The following NRXN1 variants were observed in gnomAD, a reference collection of about 807,000 sequenced individuals.
NRXN1 encodes the protein neurexin-1.
NRXN1 carries 39 observed loss-of-function variants against 150.9 expected under a neutral mutation model. The observed-to-expected ratio is 0.26, with a 90% CI of 0.20 to 0.34. NRXN1 has a LOEUF of 0.34. NRXN1 is among the 10% of genes least tolerant of loss of function. NRXN1 has a pLI of 1.00. For missense variants in NRXN1, 1,815 were observed against 1,949.9 expected (o/e 0.93, Z 1.30); for synonymous variants, 924 against 757.0 (o/e 1.22, Z -3.62).
chr2:50,573,278 G>A (rs1216737959), intron 8 of NRXN1, among the ~76,000 whole-genome samples: 3 of 151,830 alleles, frequency 2.0e-5, no homozygotes, highest in Non-Finnish European at 2.9e-5. Context: ...CAGAAGGATC[G>A]CTTGAGCTTG....
At chr2:50,627,353 A>C (rs993305933) in intron 5 of NRXN1, among the ~76,000 whole-genome samples, 1 of 81,232 alleles carries the variant, frequency 1.2e-5, no homozygotes, top group Non-Finnish European at 2.3e-5. Context: ...GTTCTGGTTC[A>C]TGTATGTGTG....
At chr2:50,168,882 C>A (rs960792364) in intron 18 of NRXN1, among the ~76,000 whole-genome samples, 2 of 152,200 alleles carry the variant, frequency 1.3e-5, no homozygotes, top group Non-Finnish European at 2.9e-5. Context: ...AAAAAGAATG[C>A]TGTATCCTTT....
At chr2:50,386,362 A>T (rs59791250) in intron 17 of NRXN1, among the ~76,000 whole-genome samples, 1 of 151,644 alleles carries the variant, frequency 6.6e-6, no homozygotes, top group African/African-American at 2.4e-5. Context: ...TTTTTTTTTC[A>T]AATTAAGAGT....
intron 2 of NRXN1, among the ~76,000 whole-genome samples, chr2:50,967,733 G>C (rs961955407): frequency 1.3e-5 from 2 of 151,934 alleles, no homozygotes; most frequent in Admixed American, 1.3e-4. Context: ...GAATAAGTAA[G>C]TAGCTTTTAC....
chr2:50,013,487 G>A (rs995481539), intron 21 of NRXN1, among the ~76,000 whole-genome samples: 2 of 151,800 alleles, frequency 1.3e-5, no homozygotes, highest in African/African-American at 4.8e-5. Flanking sequence ...CTTTTGTCGT[G>A]GTTTATTATG....
In NRXN1 at chr2:50,056,634, C is replaced by G. The variant is rs113892070; in HGVS notation, c.3719-1590G>C. 1.1e-4 allele frequency among the ~76,000 whole-genome samples: 17 copies of G among 151,804 alleles called. 1 individual carries two copies. Among genetic ancestry groups the G allele is most frequent in the African/African-American group, 4.1e-4 (17 of 41,410 alleles). On this transcript the variant is annotated intron_variant, in intron 19 of 22. Coordinates refer to ENST00000401669, the MANE Select transcript of NRXN1 (RefSeq NM_001330078.2). ...CCTGTCTTCATTTTTTAAAAGTGTACAAAATTTGTGTTCTCTGTTGTGTGT... is the reference window on the plus strand; with the variant it reads ...CCTGTCTTCATTTTTTAAAAGTGTAGAAAATTTGTGTTCTCTGTTGTGTGT...
At chr2:50,525,127 C>T (rs546920728) in intron 12 of NRXN1, among the ~76,000 whole-genome samples, 2 of 152,240 alleles carry the variant, frequency 1.3e-5, no homozygotes, top group East Asian at 1.9e-4. Flanking sequence ...TTACTAAAGT[C>T]ATTTAATACT....
intron 5 of NRXN1, among the ~76,000 whole-genome samples, chr2:50,747,552 G>C (rs1157385238): frequency 1.3e-5 from 2 of 151,986 alleles, no homozygotes; most frequent in Non-Finnish European, 2.9e-5. Context: ...CCAATCCAGA[G>C]GGTGGAATTC....
intron 18 of NRXN1, among the ~76,000 whole-genome samples, chr2:50,116,353 CAGT>C (rs1381910014): frequency 6.6e-6 from 1 of 151,976 alleles, no homozygotes; most frequent in Non-Finnish European, 1.5e-5. Flanking sequence ...GTTGAGTCAG[CAGT>C]AAGAAACACA....
chr2:50,066,652 T>A (rs189467018), intron 19 of NRXN1, among the ~76,000 whole-genome samples: 1 of 152,084 alleles, frequency 6.6e-6, no homozygotes, highest in Non-Finnish European at 1.5e-5. Flanking sequence ...TCTCAAAATA[T>A]AATTACAAGT....
rs1175694635 is a variant in NRXN1 at position 50,472,451 on chromosome 2, C to G, written c.3091G>C (p.Val1031Leu). 3.7e-6 allele frequency: 6 copies of G among 1,611,782 alleles called. No individual in the cohort carries two copies. The highest frequency in any genetic ancestry group is 5.1e-6 in the Non-Finnish European group (6 of 1,178,564). Residue 1031 changes from valine to leucine, a missense_variant, in exon 16 of 23, where the codon GTA becomes CTA. Transcript: ENST00000401669. ...DLKSDLYIGGVAKETYKSLPK... is the reference protein window; with the variant it reads ...DLKSDLYIGGLAKETYKSLPK... Reference sequence around the variant, plus strand: ...AAGGATTTGTATGTTTCTTTAGCTACTCCTCCTATATATAAGTCACCTGCA... The same window carrying G: ...AAGGATTTGTATGTTTCTTTAGCTAGTCCTCCTATATATAAGTCACCTGCA...
At chr2:49,929,601 C>T (rs1053452364) in intron 22 of NRXN1, among the ~76,000 whole-genome samples, 1 of 152,092 alleles carries the variant, frequency 6.6e-6, no homozygotes, top group Non-Finnish European at 1.5e-5. Context: ...TTGCTGTCCC[C>T]AACTCCTCAC....
chr2:50,858,277 G>A (rs906151228), intron 5 of NRXN1, among the ~76,000 whole-genome samples: 1 of 151,908 alleles, frequency 6.6e-6, no homozygotes, highest in Admixed American at 6.6e-5. Context: ...ATTTCTATGA[G>A]GCTTTGATGA....
chr2:49,968,842 G>C (rs1677426742), intron 21 of NRXN1, among the ~76,000 whole-genome samples: 1 of 152,010 alleles, frequency 6.6e-6, no homozygotes, highest in South Asian at 2.1e-4. Flanking sequence ...TGCTCCTCTA[G>C]TTTTATGCCT....
At chr2:50,769,164 C>T (rs999391328) in intron 5 of NRXN1, among the ~76,000 whole-genome samples, 18 of 152,058 alleles carry the variant, frequency 1.2e-4, no homozygotes, top group Non-Finnish European at 7.4e-5. Flanking sequence ...GCTTAAGACA[C>T]GCTCCTTTGT....
chr2:50,879,429 A>G (rs1449670440), intron 5 of NRXN1, among the ~76,000 whole-genome samples: 1 of 151,974 alleles, frequency 6.6e-6, no homozygotes, highest in African/African-American at 2.4e-5. Context: ...TAGTCAAGAG[A>G]GTATCATTTC....
chr2:50,144,778 A>G lies in NRXN1; in HGVS notation c.3547-53284T>C, dbSNP rs867048838. On this transcript the variant is annotated intron_variant, in intron 18 of 22. Transcript: ENST00000401669. Reference sequence around the variant, plus strand: ...TTTCTGTTACTAGAAATTATTAAAAATCATATTGGACGAGTTGATTACCTA... The same window carrying G: ...TTTCTGTTACTAGAAATTATTAAAAGTCATATTGGACGAGTTGATTACCTA... Among the ~76,000 whole-genome samples, 28 of 151,952 alleles carry G rather than the reference A, an allele frequency of 1.8e-4. No individual in the cohort carries two copies. The Middle Eastern group carries it at 0.014, about 74-fold the overall frequency.
chr2:50,118,852 T>C (rs1318548625), intron 18 of NRXN1, among the ~76,000 whole-genome samples: 5 of 152,168 alleles, frequency 3.3e-5, no homozygotes, highest in Non-Finnish European at 7.4e-5. Context: ...AAGTCTGGAA[T>C]ACATTTTAAT....
At chr2:50,736,925 A>G (rs1275477179) in intron 5 of NRXN1, among the ~76,000 whole-genome samples, 1 of 152,174 alleles carries the variant, frequency 6.6e-6, no homozygotes, top group African/African-American at 2.4e-5. Flanking sequence ...TACTTGCCAA[A>G]TGAATAAATG....
Sources: gnomAD v4.1 joint callset for allele counts (sites outside exome capture counted in the v4.1 genomes callset) on GRCh38, gnomAD v4.1.1 for gene constraint, MANE v1.5 for transcripts, NCBI Gene and HGNC (gene_info 2026-07-23, HGNC 2026-07-21) for gene names.